The following PTPRT variants were observed in gnomAD, a reference collection of about 807,000 sequenced individuals.
PTPRT encodes protein tyrosine phosphatase receptor type T.
A neutral mutation model predicts 176.8 loss-of-function variants in PTPRT; 56 were observed. The observed-to-expected ratio is 0.32, with a 90% CI of 0.26 to 0.40. PTPRT has a LOEUF of 0.40. Ranked by LOEUF, PTPRT falls within the 10% of genes least tolerant of loss-of-function variation. PTPRT has a pLI of 1.00. For synonymous variants in PTPRT, 783 were observed against 739.0 expected (o/e 1.06, Z -0.96); for missense variants, 1,540 against 1,908.2 (o/e 0.81, Z 3.60).
chr20:42,959,947 C>G (rs1224885754), intron 1 of PTPRT, among the ~76,000 whole-genome samples: 5 of 152,146 alleles, frequency 3.3e-5, no homozygotes, highest in Non-Finnish European at 7.3e-5. Flanking sequence ...GCAAGCTCAT[C>G]TCATCCCATG....
At chr20:42,575,039 T>C (rs910530163) in intron 7 of PTPRT, among the ~76,000 whole-genome samples, 4 of 152,148 alleles carry the variant, frequency 2.6e-5, no homozygotes, top group Non-Finnish European at 5.9e-5. Flanking sequence ...TAAATTACCC[T>C]GTCTCTGGTA....
At chr20:42,588,472 A>T (rs1218584170) in intron 7 of PTPRT, among the ~76,000 whole-genome samples, 3 of 151,974 alleles carry the variant, frequency 2.0e-5, no homozygotes, top group African/African-American at 4.8e-5. Flanking sequence ...AAATCAACCA[A>T]CCAGAAAAAT....
chr20:43,134,243 A>G (rs1396525263), intron 1 of PTPRT, among the ~76,000 whole-genome samples: 3 of 152,222 alleles, frequency 2.0e-5, no homozygotes, highest in African/African-American at 7.2e-5. Context: ...ACAAATTTAG[A>G]TACTGACAAA....
chr20:42,559,559 A>C (rs2072916113), intron 7 of PTPRT, among the ~76,000 whole-genome samples: 1 of 152,172 alleles, frequency 6.6e-6, no homozygotes, highest in South Asian at 2.1e-4. Context: ...AGGGACAGTA[A>C]GTGACCAGCA....
At chr20:42,593,454 C>A (rs1158580626) in intron 7 of PTPRT, among the ~76,000 whole-genome samples, 1 of 152,142 alleles carries the variant, frequency 6.6e-6, no homozygotes, top group African/African-American at 2.4e-5. Context: ...TAGGTGCTGA[C>A]CCAGGCATGG....
At chr20:42,884,006 TC>T (rs2079065562) in intron 2 of PTPRT, among the ~76,000 whole-genome samples, 1 of 150,782 alleles carries the variant, frequency 6.6e-6, no homozygotes, top group African/African-American at 2.4e-5. Context: ...CACTATAAGA[TC>T]CAGATTTATT....
chr20:42,162,189 T>C (rs1029447481), intron 16 of PTPRT, among the ~76,000 whole-genome samples: 6 of 152,170 alleles, frequency 3.9e-5, no homozygotes, highest in Admixed American at 3.9e-4. Context: ...AGTTTCCCCA[T>C]CACTTAATAC....
At chr20:43,076,404 A>AT (rs932885080) in intron 1 of PTPRT, among the ~76,000 whole-genome samples, 3 of 146,916 alleles carry the variant, frequency 2.0e-5, no homozygotes, top group Non-Finnish European at 3.0e-5. Flanking sequence ...CTCTTCCTTT[A>AT]TTTTTAATGC....
At chr20:43,113,603 C>T (rs1362439348) in intron 1 of PTPRT, among the ~76,000 whole-genome samples, 1 of 152,136 alleles carries the variant, frequency 6.6e-6, no homozygotes, top group East Asian at 1.9e-4. Context: ...GAAAAAATCT[C>T]CAATGGATGA....
chr20:42,681,272 G>A (rs897150103), intron 6 of PTPRT, among the ~76,000 whole-genome samples: 1 of 152,182 alleles, frequency 6.6e-6, no homozygotes, highest in Non-Finnish European at 1.5e-5. Context: ...TCAGCAGGGA[G>A]GAAAAGGAAA....
intron 9 of PTPRT, among the ~76,000 whole-genome samples, chr20:42,443,679 G>A (rs1360612614): frequency 6.6e-6 from 1 of 152,124 alleles, no homozygotes; most frequent in African/African-American, 2.4e-5. Context: ...TGGTAATAGG[G>A]TCAGGGTGAG....
chr20:43,147,209 C>T (rs1421792993), intron 1 of PTPRT, among the ~76,000 whole-genome samples: 1 of 152,132 alleles, frequency 6.6e-6, no homozygotes, highest in Admixed American at 6.5e-5. Flanking sequence ...CTGTGTCCTC[C>T]TATGTGCCCT....
At chr20:42,830,428 C>T (rs183366394) in intron 2 of PTPRT, among the ~76,000 whole-genome samples, 8 of 152,180 alleles carry the variant, frequency 5.3e-5, no homozygotes, top group Middle Eastern at 6.8e-3. Flanking sequence ...CAATACACTA[C>T]GTATTCAAAG....
At chr20:42,118,552 C>A in intron 20 of PTPRT, 52 bp from the exon 21 acceptor site, 2 of 1,509,556 alleles carry the variant, frequency 1.3e-6, no homozygotes, top group Non-Finnish European at 1.8e-6. Flanking sequence ...AAAGCAGCAG[C>A]TGAGAAGGTT....
chr20:42,942,214 A>C (rs762020006), intron 1 of PTPRT, among the ~76,000 whole-genome samples: 5 of 152,200 alleles, frequency 3.3e-5, no homozygotes, highest in Non-Finnish European at 7.3e-5. Flanking sequence ...AGACATCCTG[A>C]AAATAGTACT....
intron 2 of PTPRT, among the ~76,000 whole-genome samples, chr20:42,882,607 TAAAAACACTTA>T (rs1163165904): frequency 2.6e-5 from 4 of 152,212 alleles, no homozygotes; most frequent in Admixed American, 2.6e-4. Context: ...CCTGTATTAA[TAAAAACACTTA>T]ATAAAGACTA....
intron 2 of PTPRT, among the ~76,000 whole-genome samples, chr20:42,833,562 G>A (rs531441444): frequency 1.3e-5 from 2 of 151,692 alleles, no homozygotes; most frequent in African/African-American, 4.8e-5. Context: ...CACACTAGAT[G>A]ACAAAGCGAG....
At chr20:42,223,672 C>T (rs999372499) in intron 15 of PTPRT, among the ~76,000 whole-genome samples, 61 of 152,232 alleles carry the variant, frequency 4.0e-4, no homozygotes, top group African/African-American at 1.4e-3. Context: ...GGTAGCTCTG[C>T]TATATAAAGC....
rs2074123749 is a variant in PTPRT, at chr20:42,618,486, TG to T, written c.1153+59379del. On this transcript the variant is annotated intron_variant, in intron 7 of 30. Transcript: ENST00000373187. ...TTGGTGCAGAGCTGAGTTCAATTCC[TG>T]GGTATCCTTGTTGACTTTCTGTCCG... Among the ~76,000 whole-genome samples the T allele has an allele frequency of 1.5e-5, 2 of 135,066 alleles. 1 individual carries two copies. Among genetic ancestry groups the T allele is most frequent in the African/African-American group, 6.7e-5 (2 of 29,864 alleles). The allele number at this position is 135,066 out of a possible 152,430, so 88.6% of individuals were successfully genotyped here.
Sources: gnomAD v4.1 joint callset for allele counts (sites outside exome capture counted in the v4.1 genomes callset) on GRCh38, gnomAD v4.1.1 for gene constraint, MANE v1.5 for transcripts, NCBI Gene and HGNC (gene_info 2026-07-23, HGNC 2026-07-21) for gene names.